MAP9: variants seen among roughly 807,000 people sequenced by gnomAD.
The protein encoded by MAP9 is microtubule associated protein 9.
Under a neutral mutation model 75.2 loss-of-function variants are expected in MAP9, and 80 were observed. The observed-to-expected ratio is 1.06, with a 90% CI of 0.89 to 1.28. MAP9 has a LOEUF of 1.28. Ranked by LOEUF, MAP9 falls within the 50% of genes most tolerant of loss-of-function variation. MAP9 has a pLI of 0.00. For synonymous variants in MAP9, 235 were observed against 237.3 expected (o/e 0.99, Z 0.09); for missense variants, 753 against 719.9 (o/e 1.05, Z -0.53).
chr4:155,352,842 TA>T lies in MAP9; in HGVS notation c.1688+69del. 2.8e-6 allele frequency: 4 copies of T among 1,422,008 alleles called. No homozygotes were observed. The South Asian group carries it at 5.5e-5, about 20-fold the overall frequency. The allele number at this position is 1,422,008 out of a possible 1,614,324, so 88.1% of individuals were successfully genotyped here. On this transcript the variant is annotated intron_variant, in intron 12 of 13. Coordinates refer to ENST00000311277, the MANE Select transcript of MAP9 (RefSeq NM_001039580.2). ...AATGCATTACTAAATTTCAAGTAAA[TA>T]AATTTTATAAAATCCTGAAGTGTTA...
rs1731297534 is a variant in MAP9, at chr4:155,346,641, T to TAAAG, written c.*1138_*1141dup. ...TAACACCTACCCTGAAAAGTTGTTG[T>TAAAG]AAAGATGTTAAATACATTTGTAAAG... On this transcript the variant is annotated 3_prime_UTR_variant, in exon 14 of 14. Transcript: ENST00000311277. The TAAAG allele has an allele frequency of 1.3e-5, 2 of 152,560 alleles. No homozygotes were observed. The allele number at this position is 152,560 out of a possible 1,614,324, so 9.5% of individuals were successfully genotyped here.
rs775430148 is a variant in MAP9, at chr4:155,352,622, C to T, written c.1795G>A (p.Ala599Thr). The T allele has an allele frequency of 6.5e-7, 1 of 1,545,792 alleles. No individual in the cohort carries two copies. The highest frequency in any genetic ancestry group is 2.3e-5 in the East Asian group (1 of 43,858). Residue 599 changes from alanine to threonine, a missense_variant, in exon 13 of 14, where the codon GCT becomes ACT. Ala to Thr is a moderately conservative substitution (Grantham distance 58). Transcript: ENST00000311277. ...AGCCATTTTTCATATTCATTAATAG[C>T]TTGTTTATCTTTATCTTTTTTCTCA... Reference protein sequence around the residue: ...RAEKKDKDKQAINEYEKWLEN... With the variant: ...RAEKKDKDKQTINEYEKWLEN...
At chr4:155,359,847 A>T (rs1323469189) in intron 7 of MAP9, among the ~76,000 whole-genome samples, 1 of 152,088 alleles carries the variant, frequency 6.6e-6, no homozygotes, top group Non-Finnish European at 1.5e-5. Flanking sequence ...AAATTATTCC[A>T]GACAGTTATA....
At chr4:155,374,041 T>C (rs1732722127) in intron 3 of MAP9, among the ~76,000 whole-genome samples, 1 of 152,092 alleles carries the variant, frequency 6.6e-6, no homozygotes, top group African/African-American at 2.4e-5. Context: ...TCACCAAATT[T>C]TAAAGAATAA....
At position 155,344,433 on chromosome 4, in the gene MAP9, A is replaced by ACAAT. The variant is rs567762706; in HGVS notation, c.*3346_*3349dup. The ACAAT allele has an allele frequency of 1.2e-3, 185 of 152,054 alleles. 1 individual carries two copies. The highest frequency in any genetic ancestry group is 4.3e-3 in the African/African-American group (180 of 41,540). The allele number at this position is 152,054 out of a possible 1,614,324, so 9.4% of individuals were successfully genotyped here. ...GAGATTGGACAAGTCAAAGTACTTG[A>ACAAT]CAATCAGTTTCTTCAACTTAGAAAT... On this transcript the variant is annotated 3_prime_UTR_variant, in exon 14 of 14. Coordinates refer to ENST00000311277, the MANE Select transcript of MAP9 (RefSeq NM_001039580.2).
chr4:155,360,514 ACT>A (rs111798466), intron 6 of MAP9, 99 bp from the exon 7 acceptor site: 234,774 of 1,173,896 alleles, frequency 0.2, 27,179 homozygotes, highest in African/African-American at 0.44. Flanking sequence ...CTATCTATAA[ACT>A]CTTTTTTCTT....
At chr4:155,353,450 TATTC>T (rs1251341694) in intron 10 of MAP9, 110 bp from the exon 11 acceptor site, 7 of 881,030 alleles carry the variant, frequency 7.9e-6, no homozygotes, top group Non-Finnish European at 1.0e-5. Flanking sequence ...AGTCCTCTGA[TATTC>T]ATTATACTTA....
chr4:155,368,901 G>T, intron 4 of MAP9, 89 bp from the exon 5 acceptor site: 1 of 1,032,318 alleles, frequency 9.7e-7, no homozygotes, highest in Non-Finnish European at 1.4e-6. Flanking sequence ...TCCCTCCTGT[G>T]CCTATGCCCC....
chr4:155,368,479 AAC>A (rs752011829), intron 5 of MAP9, 105 bp downstream of exon 5: 151 of 897,628 alleles, frequency 1.7e-4, no homozygotes, highest in Non-Finnish European at 2.3e-4. Flanking sequence ...AAGTATGTAA[AAC>A]ACACACACAC....
Position 155,348,285 on chromosome 4 carries a change from C to T in MAP9, c.1822-380G>A, listed in dbSNP as rs111484914. ...CTGGGAGGTGGAGGTTGCAGTGAGC[C>T]GAGATTGCACCACTGCACTCCAGCC... On this transcript the variant is annotated intron_variant, in intron 13 of 13. Transcript: ENST00000311277. Among the ~76,000 whole-genome samples the T allele has an allele frequency of 8.6e-3, 1,311 of 151,892 alleles. 13 individuals carry two copies. The highest frequency in any genetic ancestry group is 0.028 in the African/African-American group (1,164 of 41,432).
intron 5 of MAP9, chr4:155,363,145 A>T (rs952678285): frequency 6.6e-6 from 1 of 152,176 alleles, no homozygotes; most frequent in African/African-American, 2.4e-5. Flanking sequence ...TACCACCTCT[A>T]TTTGTGGCAT....
intron 7 of MAP9, among the ~76,000 whole-genome samples, chr4:155,358,341 C>T (rs755232362): frequency 1.4e-4 from 21 of 152,112 alleles, no homozygotes; most frequent in Non-Finnish European, 2.8e-4. Context: ...AGAGCACAGA[C>T]ATAATAAACA....
In MAP9 at chr4:155,342,745, G is replaced by A. The variant is rs548436384; in HGVS notation, c.*5038C>T. On this transcript the variant is annotated 3_prime_UTR_variant, in exon 14 of 14. Coordinates refer to ENST00000311277, the MANE Select transcript of MAP9 (RefSeq NM_001039580.2). ...TGACATCTTTTTTAATCTTGCACACGCACTGCAGCAAGGTTAATCCTGTAT... is the reference window on the plus strand; with the variant it reads ...TGACATCTTTTTTAATCTTGCACACACACTGCAGCAAGGTTAATCCTGTAT... The A allele has an allele frequency of 4.6e-5, 7 of 151,824 alleles. No homozygotes were observed. In the South Asian group the frequency reaches 1.5e-3, roughly 32 times the overall value. The allele number at this position is 151,824 out of a possible 1,614,324, so 9.4% of individuals were successfully genotyped here. A position where few individuals can be genotyped will look rare whatever the true frequency, so the allele number is the denominator to read the frequency against.
chr4:155,370,533 T>A (rs1183675878), intron 4 of MAP9, among the ~76,000 whole-genome samples: 1 of 152,162 alleles, frequency 6.6e-6, no homozygotes, highest in Non-Finnish European at 1.5e-5. Flanking sequence ...CCTAAGCTGA[T>A]CCCCCTGCCT....
At chr4:155,357,190 C>A in intron 8 of MAP9, 1 of 390,692 alleles carries the variant, frequency 2.6e-6, no homozygotes, top group Non-Finnish European at 4.6e-6. Flanking sequence ...TAGGACGATC[C>A]TGGAGAGCAA....
At chr4:155,351,177 A>G (rs891299320) in intron 13 of MAP9, 1 of 151,926 alleles carries the variant, frequency 6.6e-6, no homozygotes, top group Admixed American at 6.6e-5. Context: ...TGGAACAGAA[A>G]GTTAAGAAAC....
At position 155,352,625 on chromosome 4, in the gene MAP9, GTTTATC is replaced by G. The variant is rs574972280; in HGVS notation, c.1786_1791del (p.Asp596_Lys597del). 10,957 of 1,546,522 alleles carry G rather than the reference GTTTATC, an allele frequency of 7.1e-3. 63 individuals carry two copies. The highest frequency in any genetic ancestry group is 8.8e-3 in the Non-Finnish European group (9,991 of 1,134,006). On this transcript the variant is annotated inframe_deletion, in exon 13 of 14. Coordinates refer to ENST00000311277, the MANE Select transcript of MAP9 (RefSeq NM_001039580.2). Reference sequence around the variant, plus strand: ...CATTTTTCATATTCATTAATAGCTTGTTTATCTTTATCTTTTTTCTCAGCTCTTTTC... The same window carrying G: ...CATTTTTCATATTCATTAATAGCTTGTTTATCTTTTTTCTCAGCTCTTTTC...
rs765201713 is a variant in MAP9 at position 155,375,868 on chromosome 4, TA to T, written c.-19del. ...TCAGACATAGTGTATTTTTTCTCGT[TA>T]CCTTTATAAAATAGCTAATTATTAG... On this transcript the variant is annotated 5_prime_UTR_variant, in exon 2 of 14. Transcript: ENST00000311277. 6.4e-7 allele frequency: 1 copy of T among 1,558,192 alleles called. No homozygotes were observed. Among genetic ancestry groups the T allele is most frequent in the Non-Finnish European group, 8.8e-7 (1 of 1,134,540 alleles).
In MAP9 at chr4:155,375,175, T is replaced by C. The variant is rs530358008; in HGVS notation, c.76-154A>G. On this transcript the variant is annotated intron_variant, in intron 2 of 13. Transcript: ENST00000311277. The stretch of plus-strand genomic sequence containing the variant: ...TTTCCTGCAAGCTCACTTTATGCCA[T>C]GTACCCACTTTACGCCTCATACTCA... Among the ~76,000 whole-genome samples, 5 of 152,322 alleles carry C rather than the reference T, an allele frequency of 3.3e-5. No individual in the cohort carries two copies. In the East Asian group the frequency reaches 9.7e-4, roughly 29 times the overall value.
Sources: allele counts gnomAD v4.1 joint callset (sites outside exome capture counted in the v4.1 genomes callset), GRCh38; gene constraint gnomAD v4.1.1; transcripts MANE v1.5; gene names NCBI Gene and HGNC (gene_info 2026-07-23, HGNC 2026-07-21).